Variants in CDKL3 observed in about 807,000 individuals in gnomAD.
CDKL3 encodes cyclin dependent kinase like 3, also known as cyclin-dependent kinase-like 3.
CDKL3 carries 65 observed loss-of-function variants against 69.3 expected under a neutral mutation model. That is an observed-to-expected ratio of 0.94 (90% confidence interval 0.77 to 1.15). CDKL3 has a LOEUF of 1.15. Among genes scored for constraint, CDKL3 ranks in the 50% most tolerant of loss-of-function variants. The pLI, the probability that CDKL3 is intolerant of heterozygous loss-of-function variation, is 0.00. For missense variants in CDKL3, 652 were observed against 689.2 expected, an observed-to-expected ratio of 0.95 and a Z score of 0.61; for synonymous variants, 202 against 221.6, an observed-to-expected ratio of 0.91 and a Z score of 0.79.
chr5:134,355,235 G>GAAAA (rs60153337), intron 3 of CDKL3, among the ~76,000 whole-genome samples: 6 of 74,416 alleles, frequency 8.1e-5, no homozygotes, highest in Admixed American at 1.5e-4. Context: ...TCTGTCTCAG[G>GAAAA]AAAAAAAAAA....
At chr5:134,340,894 GAAAACTACA>G (rs1398149241) in intron 4 of CDKL3, among the ~76,000 whole-genome samples, 3 of 152,010 alleles carry the variant, frequency 2.0e-5, no homozygotes, top group Admixed American at 2.0e-4. Flanking sequence ...CAGTAAAAAA[GAAAACTACA>G]AATATCTTTT....
chr5:134,318,661 A>T (rs1405995426), intron 6 of CDKL3, among the ~76,000 whole-genome samples: 3 of 151,756 alleles, frequency 2.0e-5, no homozygotes, highest in Non-Finnish European at 4.4e-5. Flanking sequence ...AACTTTTTGT[A>T]TTTTTAGTAG....
At position 134,319,338 on chromosome 5, in the gene CDKL3, G is replaced by GAAAA; in HGVS notation, c.792+16_792+19dup. On this transcript the variant is annotated intron_variant, in intron 6 of 12. Transcript: ENST00000265334. ...GAGCAAGACTCTGTCTCCGGGGGAG[G>GAAAA]AAAAAAAAAAAAAACATACATGAAC... is the stretch of plus-strand genomic sequence containing the variant. 3 of 1,219,210 alleles carry GAAAA rather than the reference G, an allele frequency of 2.5e-6. No individual in the cohort carries two copies. The highest frequency in any genetic ancestry group is 6.5e-5 in the Admixed American group (2 of 30,788). The allele number at this position is 1,219,210 out of a possible 1,614,324, so 75.5% of individuals were successfully genotyped here.
intron 4 of CDKL3, among the ~76,000 whole-genome samples, chr5:134,345,360 A>C (rs567911306): frequency 9.8e-5 from 15 of 152,324 alleles, no homozygotes; most frequent in Admixed American, 7.8e-4. Flanking sequence ...GTGAAAAATG[A>C]GCCTGGACTG....
At chr5:134,358,976 GT>G (rs2149640604) in intron 3 of CDKL3, among the ~76,000 whole-genome samples, 1 of 152,102 alleles carries the variant, frequency 6.6e-6, no homozygotes, top group East Asian at 1.9e-4. Flanking sequence ...TTTATACCTA[GT>G]ACCTAATTTG....
intron 10 of CDKL3, 89 bp from the exon 11 acceptor site, chr5:134,304,656 T>C: frequency 3.2e-6 from 3 of 933,168 alleles, no homozygotes; most frequent in Non-Finnish European, 4.6e-6. Flanking sequence ...TTGGATGGTA[T>C]AAGATAGACA....
chr5:134,330,402 G>A lies in CDKL3; in HGVS notation c.540-8499C>T, dbSNP rs145465325. Among the ~76,000 whole-genome samples, 4 of 152,278 alleles carry A rather than the reference G, an allele frequency of 2.6e-5. No homozygotes were observed. The East Asian group carries it at 5.8e-4, about 22-fold the overall frequency. On this transcript the variant is annotated intron_variant, in intron 4 of 12. Coordinates refer to ENST00000265334, the MANE Select transcript of CDKL3 (RefSeq NM_001113575.2). ...ACACTCTGGTGAAGCTTTCCCAGAC[G>A]TTTATTTTGCTAAATCTTTGGCTCA...
At chr5:134,360,516 C>T (rs1217664276) in intron 2 of CDKL3, among the ~76,000 whole-genome samples, 2 of 152,200 alleles carry the variant, frequency 1.3e-5, no homozygotes, top group Non-Finnish European at 2.9e-5. Context: ...ATGTTCCATG[C>T]ATTTCAACTG....
chr5:134,283,915 C>T (rs1648855982), downstream of CDKL3, among the ~76,000 whole-genome samples: 1 of 152,138 alleles, frequency 6.6e-6, no homozygotes, highest in South Asian at 2.1e-4. Context: ...AACAAAGGGG[C>T]TACAGGTCCC....
chr5:134,332,388 T>C (rs1322725332), intron 4 of CDKL3, among the ~76,000 whole-genome samples: 1 of 152,318 alleles, frequency 6.6e-6, no homozygotes, highest in East Asian at 1.9e-4. Context: ...TCCTGAATGG[T>C]ATTGCCTAGG....
intron 4 of CDKL3, among the ~76,000 whole-genome samples, chr5:134,333,652 A>G (rs1281615889): frequency 1.3e-5 from 2 of 152,232 alleles, no homozygotes; most frequent in Non-Finnish European, 2.9e-5. Flanking sequence ...CTTGCATCCC[A>G]GGGATGAAGC....
chr5:134,361,801 G>A (rs1489224101), intron 2 of CDKL3, among the ~76,000 whole-genome samples: 5 of 152,216 alleles, frequency 3.3e-5, no homozygotes, highest in Non-Finnish European at 7.3e-5. Context: ...CTACTAGAGA[G>A]ATTAAGAGAG....
intron 4 of CDKL3, among the ~76,000 whole-genome samples, chr5:134,343,229 C>T (rs1561603563): frequency 1.3e-5 from 2 of 151,234 alleles, no homozygotes; most frequent in East Asian, 1.9e-4. Context: ...AAAGAAAGTG[C>T]GTTGCTGGAA....
At chr5:134,284,963 C>T (rs1474689382), downstream of CDKL3, among the ~76,000 whole-genome samples, 5 of 152,074 alleles carry the variant, frequency 3.3e-5, no homozygotes, top group South Asian at 2.1e-4. Context: ...AGTCCCGAGG[C>T]GACATACATC....
intron 4 of CDKL3, among the ~76,000 whole-genome samples, chr5:134,325,987 A>G (rs1774097374): frequency 1.5e-5 from 2 of 137,326 alleles, no homozygotes; most frequent in African/African-American, 2.8e-5. Context: ...CGTGTTAGCC[A>G]GGATGGTCTC....
At chr5:134,331,454 C>CG (rs1369361885) in intron 4 of CDKL3, among the ~76,000 whole-genome samples, 2 of 152,094 alleles carry the variant, frequency 1.3e-5, no homozygotes, top group Non-Finnish European at 2.9e-5. Flanking sequence ...ATCCCTCCCC[C>CG]GGGCCCCCAC....
At chr5:134,331,401 A>T (rs905706342) in intron 4 of CDKL3, among the ~76,000 whole-genome samples, 5 of 152,026 alleles carry the variant, frequency 3.3e-5, no homozygotes, top group Non-Finnish European at 5.9e-5. Flanking sequence ...GGTTTGCTGT[A>T]CCCATCAACT....
chr5:134,340,031 G>A (rs559662779), intron 4 of CDKL3, among the ~76,000 whole-genome samples: 1 of 152,198 alleles, frequency 6.6e-6, no homozygotes, highest in South Asian at 2.1e-4. Context: ...GCACACACCT[G>A]TAGTCTCAGC....
intron 6 of CDKL3, among the ~76,000 whole-genome samples, chr5:134,314,601 T>C (rs1770507979): frequency 6.6e-6 from 1 of 152,204 alleles, no homozygotes; most frequent in African/African-American, 2.4e-5. Context: ...TATAGTCATA[T>C]AATGAACTAC....
Sources: gnomAD v4.1 joint callset for allele counts (sites outside exome capture counted in the v4.1 genomes callset) on GRCh38, gnomAD v4.1.1 for gene constraint, MANE v1.5 for transcripts, NCBI Gene and HGNC (gene_info 2026-07-23, HGNC 2026-07-21) for gene names.